Variants in SPEN observed in about 807,000 individuals in gnomAD.
The protein encoded by SPEN is spen family transcriptional repressor, also known as msx2-interacting protein.
SPEN carries 18 observed loss-of-function variants against 269.9 expected under a neutral mutation model. That is an observed-to-expected ratio of 0.07 (90% CI 0.05 to 0.10). The LOEUF is 0.10. Ranked by LOEUF, SPEN falls within the 10% of genes least tolerant of loss-of-function variation. The probability of loss-of-function intolerance (pLI) is 1.00; values close to 1 mark genes in which losing one functional copy is unlikely to be tolerated. For synonymous variants in SPEN, 1,726 were observed against 1,765.7 expected (o/e 0.98, Z 0.56); for missense variants, 3,822 against 4,631.2 (o/e 0.83, Z 5.07).
intron 1 of SPEN, among the ~76,000 whole-genome samples, chr1:15,870,444 AT>A (rs1236283594): frequency 1.3e-5 from 2 of 152,318 alleles, no homozygotes; most frequent in East Asian, 3.9e-4. Context: ...TTCCCTGGAA[AT>A]AGAACAGTAA....
chr1:15,851,012 TAGTA>T (rs755527995), intron 1 of SPEN, among the ~76,000 whole-genome samples: 8 of 152,226 alleles, frequency 5.3e-5, no homozygotes, highest in South Asian at 2.1e-4. Flanking sequence ...TAGGCTTTTG[TAGTA>T]AGTGTTTGCA....
rs1298127512 is a variant in SPEN, at chr1:15,931,989, C to T, written c.5749C>T (p.Arg1917Cys). The change falls in exon 11 of 15, where the codon CGC becomes TGC. Residue 1917 changes from arginine to cysteine, a missense_variant. Arg to Cys is a radical substitution (Grantham distance 180). This residue lies in a region of SPEN where 533 missense variants were observed against 618.8 expected (regional missense o/e 0.86). Coordinates refer to ENST00000375759, the MANE Select transcript of SPEN (RefSeq NM_015001.3). This position sits in a 1 kb window ranked among gnomAD's most constrained non-coding sequence, Gnocchi z 4.8. ...VYATMGDHENRSPVKEPVEQP... is the reference protein window; with the variant it reads ...VYATMGDHENCSPVKEPVEQP... Reference sequence around the variant, plus strand: ...TGCAACCATGGGTGACCATGAAAACCGCTCTCCTGTCAAAGAGCCCGTTGA... The same window carrying T: ...TGCAACCATGGGTGACCATGAAAACTGCTCTCCTGTCAAAGAGCCCGTTGA... 6 of 1,614,088 alleles carry T rather than the reference C, an allele frequency of 3.7e-6. No homozygotes were observed. The highest frequency in any genetic ancestry group is 1.1e-5 in the South Asian group (1 of 91,090).
chr1:15,850,899 C>T (rs2070329537), intron 1 of SPEN, among the ~76,000 whole-genome samples: 1 of 152,124 alleles, frequency 6.6e-6, no homozygotes, highest in Non-Finnish European at 1.5e-5. Flanking sequence ...TTATCCTTTT[C>T]CCTAGCTGAT....
Position 15,935,573 on chromosome 1 carries a change from C to T in SPEN, c.9333C>T (p.Ser3111=), listed in dbSNP as rs149522627. Residue 3111 remains serine (S), a synonymous_variant, in exon 11 of 15, where the codon AGC becomes AGT. Transcript: ENST00000375759. This position sits in a 1 kb window ranked among gnomAD's most constrained non-coding sequence, Gnocchi z 7.7. The part of the protein sequence containing the change: ...NTPTLPSITY[S]IRPEALHSPR... ...CCACGCTGCCCAGTATCACCTACAG[C>T]ATCCGGCCAGAAGCGCTTCACTCTC... is the stretch of plus-strand genomic sequence containing the variant. The T allele has an allele frequency of 1.8e-4, 294 of 1,614,114 alleles. 1 individual carries two copies. The highest frequency in any genetic ancestry group is 2.3e-4 in the Non-Finnish European group (274 of 1,180,012).
At chr1:15,891,409 T>G (rs915287943) in intron 3 of SPEN, among the ~76,000 whole-genome samples, 7 of 151,180 alleles carry the variant, frequency 4.6e-5, no homozygotes, top group Middle Eastern at 3.4e-3. Context: ...TGGAGTGTAA[T>G]GGCACCATCT....
intron 2 of SPEN, chr1:15,873,471 C>T (rs1308584672): frequency 9.7e-7 from 1 of 1,027,822 alleles, no homozygotes; most frequent in Non-Finnish European, 1.2e-6. Context: ...TCCCTTCTAC[C>T]TGATGGAGCT....
Position 15,937,547 on chromosome 1 carries a change from C to T in SPEN, c.10411C>T (p.Leu3471=), listed in dbSNP as rs753324420. ...CTCTGGCCCCAGCACCCCACCAGGA[C>T]TGGTTCTGCCACACACTGAATTCCA... The part of the protein sequence containing the change: ...TTSGPSTPPG[L]VLPHTEFQPA... The change falls in exon 12 of 15, where the codon CTG becomes TTG. Residue 3471 remains leucine (L), a synonymous_variant. Coordinates refer to ENST00000375759, the MANE Select transcript of SPEN (RefSeq NM_015001.3). The surrounding 1 kb of genome is among the most constrained non-coding windows in gnomAD (Gnocchi z 5.7). 1 of 1,614,064 alleles carries T rather than the reference C, an allele frequency of 6.2e-7. No homozygotes were observed. Among genetic ancestry groups the T allele is most frequent in the African/African-American group, 1.3e-5 (1 of 74,924 alleles).
intron 10 of SPEN, among the ~76,000 whole-genome samples, chr1:15,927,342 T>G (rs1025505131): frequency 6.4e-4 from 98 of 152,242 alleles, no homozygotes; most frequent in African/African-American, 2.2e-3. Flanking sequence ...TGTAGGAAAG[T>G]TTTTACAGAT....
intron 3 of SPEN, among the ~76,000 whole-genome samples, chr1:15,901,518 G>T (rs996667631): frequency 6.6e-6 from 1 of 151,246 alleles, no homozygotes; most frequent in Non-Finnish European, 1.5e-5. Flanking sequence ...TGGTTCATAC[G>T]TGTGGTCTGT....
At chr1:15,852,296 C>T (rs2070344296) in intron 1 of SPEN, among the ~76,000 whole-genome samples, 1 of 152,164 alleles carries the variant, frequency 6.6e-6, no homozygotes, top group Admixed American at 6.6e-5. Context: ...ATACCACCCC[C>T]ATCCCGTCTA....
intron 1 of SPEN, among the ~76,000 whole-genome samples, chr1:15,858,408 A>T (rs1456475760): frequency 6.6e-6 from 1 of 152,158 alleles, no homozygotes; most frequent in East Asian, 1.9e-4. Flanking sequence ...ACCTCCCTGA[A>T]ACAAGGACAC....
intron 10 of SPEN, among the ~76,000 whole-genome samples, chr1:15,926,398 C>CAT (rs987889898): frequency 2.0e-5 from 3 of 151,136 alleles, no homozygotes; most frequent in Admixed American, 6.6e-5. Context: ...CACACACACA[C>CAT]ACACACACAC....
At position 15,928,062 on chromosome 1, in the gene SPEN, G is replaced by T. The variant is rs771737893; in HGVS notation, c.1851-29G>T. ...ATGCATAAGTGATGAGGAAACAAAA[G>T]AACTAATATCTTTGTTATTTTTTGG... On this transcript the variant is annotated intron_variant, in intron 10 of 14. Transcript: ENST00000375759. This position sits in a 1 kb window ranked among gnomAD's most constrained non-coding sequence, Gnocchi z 5.7. The T allele has an allele frequency of 3.2e-6, 5 of 1,550,340 alleles. No homozygotes were observed. The highest frequency in any genetic ancestry group is 2.8e-5 in the African/African-American group (2 of 72,510).
In SPEN at chr1:15,930,156, T is replaced by A; in HGVS notation, c.3916T>A (p.Ser1306Thr). 6.2e-7 allele frequency: 1 copy of A among 1,613,812 alleles called. No individual in the cohort carries two copies. Among genetic ancestry groups the A allele is most frequent in the Non-Finnish European group, 8.5e-7 (1 of 1,179,990 alleles). ...PYSNITVREE[S>T]LKFNPYDSSR... is the part of the protein sequence containing the mutation. ...TTCTAACATAACAGTCAGGGAAGAG[T>A]CTTTAAAATTTAATCCTTATGATTC... The change falls in exon 11 of 15, where the codon TCT (serine) becomes ACT (threonine). Residue 1306 changes from serine to threonine, a missense_variant. By Grantham distance (58) the Ser-to-Thr change is moderately conservative (BLOSUM62 1). Around this residue, in one of 16 missense-constraint regions of SPEN, gnomAD observed 267 missense variants for 315.5 expected, o/e 0.85. Transcript: ENST00000375759. This position sits in a 1 kb window ranked among gnomAD's most constrained non-coding sequence, Gnocchi z 5.3.
intron 1 of SPEN, among the ~76,000 whole-genome samples, chr1:15,869,757 C>T (rs1299850623): frequency 6.6e-6 from 1 of 152,042 alleles, no homozygotes; most frequent in East Asian, 1.9e-4. Flanking sequence ...GGCGTGTTGT[C>T]TCTACTGTTA....
chr1:15,851,657 C>T (rs2070336985), intron 1 of SPEN, among the ~76,000 whole-genome samples: 3 of 152,106 alleles, frequency 2.0e-5, no homozygotes, highest in Non-Finnish European at 2.9e-5. Context: ...AAAGATTATG[C>T]GGAGGTAAAC....
intron 2 of SPEN, chr1:15,874,374 C>T (rs1334233553): frequency 2.9e-6 from 4 of 1,365,050 alleles, no homozygotes; most frequent in South Asian, 2.3e-5. Context: ...GATTATAGGT[C>T]GTGTTTCCAC....
chr1:15,878,487 CGT>C (rs907800108), intron 3 of SPEN, among the ~76,000 whole-genome samples: 9 of 152,124 alleles, frequency 5.9e-5, no homozygotes, highest in African/African-American at 2.2e-4. Flanking sequence ...GCTTTCAAGC[CGT>C]GTGACATGGA....
rs2070598640 is a variant in SPEN at position 15,873,118 on chromosome 1, A to G, written c.386A>G (p.Tyr129Cys). The G allele has an allele frequency of 3.7e-6, 6 of 1,612,046 alleles. No individual in the cohort carries two copies. The highest frequency in any genetic ancestry group is 4.2e-6 in the Non-Finnish European group (5 of 1,178,408). Reference sequence around the variant, plus strand: ...TCACTTCATGCACGAGAAGGACGTTATGAGCGGAGACTTGATGGGTAAGTT... The same window carrying G: ...TCACTTCATGCACGAGAAGGACGTTGTGAGCGGAGACTTGATGGGTAAGTT... ...PPSLHAREGR[Y>C]ERRLDGASDN... Residue 129 changes from tyrosine (Y) to cysteine (C), a missense_variant, in exon 2 of 15, where the codon TAT (tyrosine) becomes TGT (cysteine). Transcript: ENST00000375759.
Sources: allele counts gnomAD v4.1 joint callset (sites outside exome capture counted in the v4.1 genomes callset), GRCh38; gene constraint gnomAD v4.1.1; regional missense constraint gnomAD v4.1.1; non-coding constraint Gnocchi (gnomAD v3.1); transcripts MANE v1.5; gene names NCBI Gene and HGNC (gene_info 2026-07-23, HGNC 2026-07-21).